ZC3H13: variants seen among roughly 807,000 people sequenced by gnomAD.
ZC3H13 encodes the protein zinc finger CCCH-type containing 13.
In ZC3H13, 64 loss-of-function variants were observed where a neutral mutation model predicts 204.1. That is an observed-to-expected ratio of 0.31 (90% CI 0.26 to 0.39). The LOEUF (loss-of-function observed/expected upper bound fraction) is 0.39, where lower values mean the gene tolerates loss of function less well. Among genes scored for constraint, ZC3H13 ranks in the 10% least tolerant of loss-of-function variants. ZC3H13 has a pLI of 1.00. For synonymous variants in ZC3H13, 667 were observed against 693.7 expected (o/e 0.96, Z 0.60); for missense variants, 1,833 against 2,082.7 (o/e 0.88, Z 2.33).
rs1325530088 is a variant in ZC3H13 at position 45,959,512 on chromosome 13, T to C, written c.4810A>G (p.Ile1604Val). The change falls in exon 18 of 19, where the codon ATT (isoleucine) becomes GTT (valine). Residue 1604 changes from isoleucine (I) to valine (V), a missense_variant. Around this residue, in one of 5 missense-constraint regions of ZC3H13, gnomAD observed 211 missense variants for 228.4 expected, o/e 0.92. Transcript: ENST00000679008. ...KALCFRRDSA[I>V]RKQLVKNEKG... ...TCATTTTTAACAAGCTGCTTTCGAA[T>C]TGCAGAATCCCGTCTGAAGCACAAC... 1.9e-6 allele frequency: 3 copies of C among 1,542,686 alleles called. No individual in the cohort carries two copies. Among genetic ancestry groups the C allele is most frequent in the Admixed American group, 2.0e-5 (1 of 49,306 alleles).
chr13:46,045,106 T>C, intron 2 of ZC3H13, 42 bp from the exon 3 acceptor site: 1 of 1,525,088 alleles, frequency 6.6e-7, no homozygotes, highest in Non-Finnish European at 8.9e-7. Flanking sequence ...TATTTATTTC[T>C]GGAAAAAAAA....
At chr13:46,030,054 G>T (rs1030129005) in intron 4 of ZC3H13, among the ~76,000 whole-genome samples, 1 of 152,050 alleles carries the variant, frequency 6.6e-6, no homozygotes, top group African/African-American at 2.4e-5. Flanking sequence ...TTTATCCTAG[G>T]TATGCAAGGC....
At chr13:45,958,491 T>C (rs779548331) in intron 18 of ZC3H13, among the ~76,000 whole-genome samples, 1 of 152,162 alleles carries the variant, frequency 6.6e-6, no homozygotes, top group Non-Finnish European at 1.5e-5. Flanking sequence ...TACATTTACT[T>C]ACCCAGTTGA....
chr13:46,040,950 G>A (rs981969558), intron 4 of ZC3H13, among the ~76,000 whole-genome samples: 1 of 152,138 alleles, frequency 6.6e-6, no homozygotes, highest in Admixed American at 6.6e-5. Context: ...TGGTGATGAT[G>A]TGCAGAAACT....
chr13:45,999,705 A>T (rs191505196), intron 8 of ZC3H13, among the ~76,000 whole-genome samples: 1 of 152,366 alleles, frequency 6.6e-6, no homozygotes, highest in Non-Finnish European at 1.5e-5. Context: ...GTGAATGACG[A>T]ATGTTCTTAA....
intron 7 of ZC3H13, chr13:46,010,135 G>T: frequency 2.7e-6 from 1 of 365,840 alleles, no homozygotes; most frequent in Non-Finnish European, 4.7e-6. Context: ...AAAATAAAAA[G>T]CTCTGAAGCA....
chr13:46,046,746 T>C (rs972722826), intron 1 of ZC3H13, among the ~76,000 whole-genome samples: 4 of 151,898 alleles, frequency 2.6e-5, no homozygotes, highest in Admixed American at 2.0e-4. Flanking sequence ...ATAGTAAAAA[T>C]CTAATCCAAT....
At chr13:45,989,617 G>T (rs919416831) in intron 8 of ZC3H13, among the ~76,000 whole-genome samples, 1 of 152,176 alleles carries the variant, frequency 6.6e-6, no homozygotes, top group African/African-American at 2.4e-5. Context: ...TAGAATTAAG[G>T]AAAGGATAAC....
Position 45,969,181 on chromosome 13 carries a change from G to A in ZC3H13, c.3363C>T (p.Ala1121=), listed in dbSNP as rs772900006. ...AAGAGGTGGCGGCAGCAGCAGTAGT[G>A]GCAGCAAGAGTTGCAGGCACAGTTG... ...TATTVPATLA[A]TTAAAATSFS... Residue 1121 remains alanine (A), a synonymous_variant, in exon 14 of 19, where the codon GCC becomes GCT. Transcript: ENST00000679008. The A allele has an allele frequency of 3.7e-6, 6 of 1,613,960 alleles. No individual in the cohort carries two copies. The Admixed American group carries it at 8.3e-5, about 22-fold the overall frequency.
intron 8 of ZC3H13, among the ~76,000 whole-genome samples, chr13:45,993,973 A>G (rs1293499390): frequency 6.6e-6 from 1 of 152,248 alleles, no homozygotes; most frequent in Non-Finnish European, 1.5e-5. Flanking sequence ...TTTTGCATGC[A>G]CAAACGCAGT....
chr13:46,009,751 T>C (rs773061573), intron 7 of ZC3H13, among the ~76,000 whole-genome samples: 17 of 152,168 alleles, frequency 1.1e-4, no homozygotes, highest in Non-Finnish European at 1.3e-4. Flanking sequence ...TTCAACTGGC[T>C]TCTACAGTAA....
rs894125276 is a variant in ZC3H13 at position 45,963,916 on chromosome 13, G to A, written c.4601C>T (p.Ser1534Phe). 5.6e-6 allele frequency: 9 copies of A among 1,613,956 alleles called. No individual in the cohort carries two copies. Among genetic ancestry groups the A allele is most frequent in the Non-Finnish European group, 5.9e-6 (7 of 1,180,008 alleles). Residue 1534 changes from serine to phenylalanine, a missense_variant, in exon 17 of 19, where the codon TCT becomes TTT. Physicochemically the swap from Ser to Phe is radical, Grantham distance 155 (BLOSUM62 -2). Around this residue, in one of 5 missense-constraint regions of ZC3H13, gnomAD observed 211 missense variants for 228.4 expected, o/e 0.92. Coordinates refer to ENST00000679008, the MANE Select transcript of ZC3H13 (RefSeq NM_001330564.2). Reference sequence around the variant, plus strand: ...GAGTTCAGAACCTGCCAACTTTTTAGAAATCCCAACTCTTAGCATAACAGC... The same window carrying A: ...GAGTTCAGAACCTGCCAACTTTTTAAAAATCCCAACTCTTAGCATAACAGC... The part of the protein sequence containing the change: ...PGAVMLRVGI[S>F]KKLAGSELFA...
chr13:46,021,315 A>C (rs984435906), intron 4 of ZC3H13, among the ~76,000 whole-genome samples: 2 of 152,016 alleles, frequency 1.3e-5, no homozygotes, highest in African/African-American at 4.8e-5. Flanking sequence ...AAAGTCAATT[A>C]AATGTCCTAT....
At chr13:46,042,077 T>C (rs1171282205) in intron 4 of ZC3H13, 87 bp downstream of exon 4, 7 of 1,026,048 alleles carry the variant, frequency 6.8e-6, no homozygotes, top group African/African-American at 4.8e-5. Context: ...ACATTTACCA[T>C]ATATTTAGCA....
At chr13:45,991,381 CAG>C (rs1346827563) in intron 8 of ZC3H13, among the ~76,000 whole-genome samples, 1 of 152,142 alleles carries the variant, frequency 6.6e-6, no homozygotes, top group African/African-American at 2.4e-5. Flanking sequence ...ACATTAAGGT[CAG>C]AACACTAATG....
intron 8 of ZC3H13, chr13:46,001,194 T>A (rs1032709342): frequency 6.6e-6 from 1 of 152,216 alleles, no homozygotes; most frequent in African/African-American, 2.4e-5. Context: ...TAGGCTTGTT[T>A]AATGCAGGGA....
At position 45,959,477 on chromosome 13, in the gene ZC3H13, C is replaced by T. The variant is rs996693741; in HGVS notation, c.4839+6G>A. 3.9e-6 allele frequency: 6 copies of T among 1,534,644 alleles called. No homozygotes were observed. Among genetic ancestry groups the T allele is most frequent in the South Asian group, 1.2e-5 (1 of 81,100 alleles). On this transcript the variant is annotated splice_donor_region_variant and intron_variant, in intron 18 of 18. Transcript: ENST00000679008. ...CTTTGTATTTTTTCCAAGGAAATAA[C>T]AGTACCTTCTCATTTTTAACAAGCT... is the stretch of plus-strand genomic sequence containing the variant.
At chr13:45,997,718 T>A (rs1593598155) in intron 8 of ZC3H13, among the ~76,000 whole-genome samples, 1 of 152,178 alleles carries the variant, frequency 6.6e-6, no homozygotes, top group Non-Finnish European at 1.5e-5. Context: ...TCCTATGCCA[T>A]GTGTATGCAC....
chr13:45,966,757 G>A (rs1342180739), intron 15 of ZC3H13, among the ~76,000 whole-genome samples: 1 of 152,184 alleles, frequency 6.6e-6, no homozygotes, highest in Non-Finnish European at 1.5e-5. Flanking sequence ...AACAGTAAGT[G>A]CCTCGAGCAG....
Sources: allele counts gnomAD v4.1 joint callset (sites outside exome capture counted in the v4.1 genomes callset), GRCh38; gene constraint gnomAD v4.1.1; regional missense constraint gnomAD v4.1.1; transcripts MANE v1.5; gene names NCBI Gene and HGNC (gene_info 2026-07-23, HGNC 2026-07-21).